Variants in RASGRF2 observed in about 807,000 individuals in gnomAD.
The protein encoded by RASGRF2 is Ras protein specific guanine nucleotide releasing factor 2.
Under a neutral mutation model 151.0 loss-of-function variants are expected in RASGRF2, and 76 were observed. The ratio of observed to expected loss-of-function variants is 0.50; its 90% CI spans 0.42 to 0.61. RASGRF2 has a LOEUF of 0.61. Ranked by LOEUF, RASGRF2 falls within the 20% of genes least tolerant of loss-of-function variation. The pLI is 0.00. For synonymous variants in RASGRF2, 504 were observed against 566.5 expected, an observed-to-expected ratio of 0.89 and a Z score of 1.57; for missense variants, 1,148 against 1,564.6, an observed-to-expected ratio of 0.73 and a Z score of 4.49.
intron 2 of RASGRF2, among the ~76,000 whole-genome samples, chr5:81,062,279 A>G (rs1751467458): frequency 6.6e-6 from 1 of 152,192 alleles, no homozygotes; most frequent in Non-Finnish European, 1.5e-5. Context: ...TAACACCCTT[A>G]CAATACCTCT....
chr5:81,059,160 G>A lies in RASGRF2; in HGVS notation c.396-8872G>A, dbSNP rs1444570987. 2.7e-5 allele frequency among the ~76,000 whole-genome samples: 4 copies of A among 150,792 alleles called. No homozygotes were observed. In the Admixed American group the frequency reaches 2.7e-4, roughly 10 times the overall value. ...GCACTTTGGGAGGCTGAAGCCGGTG[G>A]ATCACGAGGTCAGGAGATCCAGACC... On this transcript the variant is annotated intron_variant, in intron 2 of 26. Transcript: ENST00000265080.
Position 81,226,821 on chromosome 5 carries a change from T to C in RASGRF2, c.*1051T>C, listed in dbSNP as rs949326970. On this transcript the variant is annotated 3_prime_UTR_variant, in exon 27 of 27. Transcript: ENST00000265080. ...TCAAAACCCACACTTCCATATGCTG[T>C]TCGTAGATCTCTTTCTTTAAAAACT... 5.3e-5 allele frequency: 8 copies of C among 152,226 alleles called. No homozygotes were observed. Among genetic ancestry groups the C allele is most frequent in the Admixed American group, 5.2e-4 (8 of 15,288 alleles). The allele number at this position is 152,226 out of a possible 1,614,324, so 9.4% of individuals were successfully genotyped here.
At chr5:81,019,466 GC>G (rs1308611468) in intron 1 of RASGRF2, 3 of 152,198 alleles carry the variant, frequency 2.0e-5, no homozygotes, top group African/African-American at 7.2e-5. Flanking sequence ...GGGTCCCACA[GC>G]CTGAGAGGAG....
intron 17 of RASGRF2, among the ~76,000 whole-genome samples, chr5:81,144,088 CT>C (rs1034199686): frequency 6.6e-6 from 1 of 152,052 alleles, no homozygotes; most frequent in Non-Finnish European, 1.5e-5. Context: ...TCTCAATGAA[CT>C]TTTTTGGGAG....
intron 1 of RASGRF2, among the ~76,000 whole-genome samples, chr5:80,996,656 G>A (rs1475744265): frequency 2.7e-5 from 4 of 146,628 alleles, no homozygotes; most frequent in African/African-American, 5.1e-5. Context: ...CTGAAGTGCA[G>A]TGGCGCAATC....
At chr5:81,018,080 G>T (rs1749700012) in intron 1 of RASGRF2, among the ~76,000 whole-genome samples, 1 of 151,906 alleles carries the variant, frequency 6.6e-6, no homozygotes, top group Non-Finnish European at 1.5e-5. Flanking sequence ...CTGCACTCCA[G>T]CCTGGATGAC....
chr5:80,983,609 T>G (rs1295203852), intron 1 of RASGRF2, among the ~76,000 whole-genome samples: 1 of 152,234 alleles, frequency 6.6e-6, no homozygotes, highest in East Asian at 1.9e-4. Flanking sequence ...ATCTTGCCCT[T>G]TACGGAAAAC....
At chr5:80,968,861 T>G (rs147958060) in intron 1 of RASGRF2, among the ~76,000 whole-genome samples, 1 of 151,990 alleles carries the variant, frequency 6.6e-6, no homozygotes, top group Non-Finnish European at 1.5e-5. Context: ...TTATTTATTT[T>G]TTTTTGGAGA....
At chr5:81,208,921 T>C (rs930983865) in intron 22 of RASGRF2, among the ~76,000 whole-genome samples, 2 of 152,170 alleles carry the variant, frequency 1.3e-5, no homozygotes, top group Non-Finnish European at 2.9e-5. Context: ...CTCACAGTAA[T>C]GTAATAATGT....
chr5:81,032,705 A>C (rs1033490740), intron 1 of RASGRF2, among the ~76,000 whole-genome samples: 105 of 151,472 alleles, frequency 6.9e-4, no homozygotes, highest in African/African-American at 2.5e-3. Flanking sequence ...GAATGGGCAA[A>C]ACCTGGAAGC....
intron 17 of RASGRF2, among the ~76,000 whole-genome samples, chr5:81,171,549 T>G (rs1003711383): frequency 1.5e-4 from 23 of 150,626 alleles, no homozygotes; most frequent in Non-Finnish European, 3.0e-4. Flanking sequence ...CCTTTTGTGT[T>G]TGTGTGTGTG....
intron 1 of RASGRF2, among the ~76,000 whole-genome samples, chr5:80,981,576 CT>C (rs1748302557): frequency 2.0e-5 from 3 of 151,688 alleles, no homozygotes; most frequent in African/African-American, 7.3e-5. Flanking sequence ...CTAGAGAGTG[CT>C]TTTTTTGAGA....
At chr5:81,001,623 T>C (rs551802099) in intron 1 of RASGRF2, among the ~76,000 whole-genome samples, 20 of 152,320 alleles carry the variant, frequency 1.3e-4, no homozygotes, top group Non-Finnish European at 4.4e-5. Flanking sequence ...ATAATGTGAA[T>C]GCTTGATGCC....
intron 17 of RASGRF2, among the ~76,000 whole-genome samples, chr5:81,163,190 C>T (rs1418886029): frequency 6.6e-6 from 1 of 152,138 alleles, no homozygotes; most frequent in Non-Finnish European, 1.5e-5. Flanking sequence ...CACCTGCCAG[C>T]TGAGACAGCT....
chr5:81,135,184 G>A (rs1391466179), intron 17 of RASGRF2, among the ~76,000 whole-genome samples: 2 of 151,840 alleles, frequency 1.3e-5, no homozygotes, highest in East Asian at 3.9e-4. Context: ...GCACACGCCT[G>A]TAGTCCCAGC....
chr5:81,091,047 G>A (rs1561604175), intron 9 of RASGRF2, among the ~76,000 whole-genome samples: 1 of 152,106 alleles, frequency 6.6e-6, no homozygotes, highest in Non-Finnish European at 1.5e-5. Flanking sequence ...TCTTCTTTCT[G>A]AGTCTTATAT....
intron 1 of RASGRF2, among the ~76,000 whole-genome samples, chr5:81,014,322 A>C (rs1377164981): frequency 6.6e-6 from 1 of 152,242 alleles, no homozygotes; most frequent in Non-Finnish European, 1.5e-5. Context: ...ATGGACTCAC[A>C]GTTCCACATG....
intron 2 of RASGRF2, among the ~76,000 whole-genome samples, chr5:81,043,572 C>T (rs1319249240): frequency 2.6e-5 from 4 of 152,190 alleles, no homozygotes; most frequent in African/African-American, 7.2e-5. Flanking sequence ...GGGTCTTAAA[C>T]GGGAACTAGA....
chr5:81,044,359 A>G lies in RASGRF2; in HGVS notation c.395+1376A>G, dbSNP rs541506968. ...CTCAGACCTGGGAGTTGGAGGATAC[A>G]GTGAGCCAAGATCACACCACTGCAC... On this transcript the variant is annotated intron_variant, in intron 2 of 26. Transcript: ENST00000265080. Among the ~76,000 whole-genome samples the G allele has an allele frequency of 4.5e-4, 69 of 152,228 alleles. 1 individual carries two copies. In the South Asian group the frequency reaches 0.014, roughly 31 times the overall value.
Sources: allele counts gnomAD v4.1 joint callset (sites outside exome capture counted in the v4.1 genomes callset), GRCh38; gene constraint gnomAD v4.1.1; transcripts MANE v1.5; gene names NCBI Gene and HGNC (gene_info 2026-07-23, HGNC 2026-07-21).